AMPH: variants seen among roughly 807,000 people sequenced by gnomAD.
AMPH encodes amphiphysin.
Under a neutral mutation model 99.1 loss-of-function variants are expected in AMPH, and 49 were observed. That is an observed-to-expected ratio of 0.49 (90% CI 0.39 to 0.63). The LOEUF (loss-of-function observed/expected upper bound fraction) is 0.63, where lower values mean the gene tolerates loss of function less well. Ranked by LOEUF, AMPH falls within the 20% of genes least tolerant of loss-of-function variation. AMPH has a pLI of 0.00. For missense variants in AMPH, 759 were observed against 863.4 expected (o/e 0.88, Z 1.52); for synonymous variants, 314 against 317.3 (o/e 0.99, Z 0.11).
chr7:38,485,190 G>T (rs900156186), intron 5 of AMPH, among the ~76,000 whole-genome samples: 5 of 151,760 alleles, frequency 3.3e-5, no homozygotes, highest in African/African-American at 9.7e-5. Flanking sequence ...GTGGCTAAAT[G>T]AATTTAAATA....
chr7:38,450,092 G>A (rs541660194), intron 11 of AMPH, among the ~76,000 whole-genome samples: 20 of 152,322 alleles, frequency 1.3e-4, no homozygotes, highest in South Asian at 1.0e-3. Context: ...CAACACTCAG[G>A]ATTGAAAGGC....
chr7:38,629,103 G>A (rs1433614000), intron 1 of AMPH, among the ~76,000 whole-genome samples: 1 of 152,196 alleles, frequency 6.6e-6, no homozygotes, highest in African/African-American at 2.4e-5. Context: ...GAGGCCAAAG[G>A]TGTAGAAAGA....
chr7:38,602,403 C>T (rs918630327), intron 1 of AMPH, among the ~76,000 whole-genome samples: 2 of 152,224 alleles, frequency 1.3e-5, no homozygotes, highest in Admixed American at 6.5e-5. Flanking sequence ...AGGCTAACAT[C>T]GAGCTGTCGG....
At chr7:38,563,979 C>G (rs1345298902) in intron 1 of AMPH, among the ~76,000 whole-genome samples, 1 of 152,040 alleles carries the variant, frequency 6.6e-6, no homozygotes, top group African/African-American at 2.4e-5. Context: ...ATGAATAGAC[C>G]CCAACTGGTG....
intron 1 of AMPH, among the ~76,000 whole-genome samples, chr7:38,542,510 T>C (rs1265258215): frequency 6.6e-6 from 1 of 152,174 alleles, no homozygotes; most frequent in East Asian, 1.9e-4. Context: ...CTGGTAGTAA[T>C]CTATCCTGCA....
chr7:38,460,475 GTGGTATAGACACACAA>G (rs1038745063), intron 11 of AMPH, among the ~76,000 whole-genome samples: 5 of 152,216 alleles, frequency 3.3e-5, no homozygotes, highest in African/African-American at 7.2e-5. Flanking sequence ...TATAGAAAAT[GTGGTATAGACACACAA>G]TGGTATAGAC....
At chr7:38,489,682 T>C (rs191980242) in intron 5 of AMPH, among the ~76,000 whole-genome samples, 1 of 151,974 alleles carries the variant, frequency 6.6e-6, no homozygotes, top group African/African-American at 2.4e-5. Context: ...ATAGAAAAAA[T>C]AACTAATAAT....
chr7:38,480,072 A>G (rs1440622899), intron 5 of AMPH, among the ~76,000 whole-genome samples: 1 of 152,006 alleles, frequency 6.6e-6, no homozygotes, highest in African/African-American at 2.4e-5. Context: ...AAAAAAACAC[A>G]ATAATATAAA....
intron 2 of AMPH, among the ~76,000 whole-genome samples, chr7:38,505,639 G>A (rs1789296286): frequency 6.6e-6 from 1 of 152,116 alleles, no homozygotes; most frequent in Non-Finnish European, 1.5e-5. Context: ...ACAGCAAAGT[G>A]TAGTAGAAAA....
At chr7:38,627,019 C>G (rs559438598) in intron 1 of AMPH, among the ~76,000 whole-genome samples, 1 of 152,026 alleles carries the variant, frequency 6.6e-6, no homozygotes, top group Non-Finnish European at 1.5e-5. Context: ...ATTTTGCCAC[C>G]CAGTGTCCAC....
At chr7:38,549,926 C>T (rs1791121211) in intron 1 of AMPH, among the ~76,000 whole-genome samples, 1 of 152,166 alleles carries the variant, frequency 6.6e-6, no homozygotes, top group African/African-American at 2.4e-5. Flanking sequence ...TGTTTGCTTT[C>T]TAAAACTTTA....
chr7:38,384,293 T>C lies in AMPH; in HGVS notation c.*525A>G, dbSNP rs1239961259. 6.5e-6 allele frequency: 1 copy of C among 154,188 alleles called. No individual in the cohort carries two copies. Among genetic ancestry groups the C allele is most frequent in the African/African-American group, 2.4e-5 (1 of 41,462 alleles). The allele number at this position is 154,188 out of a possible 1,614,324, so 9.6% of individuals were successfully genotyped here. A position where few individuals can be genotyped will look rare whatever the true frequency, so the allele number is the denominator to read the frequency against. Reference sequence around the variant, plus strand: ...GATCCAGGAGTCATGGGAACTAGCTTGCGTGACTGTGTGTCCATATATATA... The same window carrying C: ...GATCCAGGAGTCATGGGAACTAGCTCGCGTGACTGTGTGTCCATATATATA... On this transcript the variant is annotated 3_prime_UTR_variant, in exon 21 of 21. Transcript: ENST00000356264.
chr7:38,435,727 C>T (rs571496441), intron 12 of AMPH, among the ~76,000 whole-genome samples: 4 of 152,182 alleles, frequency 2.6e-5, no homozygotes, highest in African/African-American at 4.8e-5. Context: ...GGAAGCAAGG[C>T]GACTCTCCAT....
chr7:38,449,095 T>C (rs969918325), intron 11 of AMPH, among the ~76,000 whole-genome samples: 1 of 152,130 alleles, frequency 6.6e-6, no homozygotes, highest in African/African-American at 2.4e-5. Flanking sequence ...ACTAAACTGG[T>C]TGAGTAAAGG....
At chr7:38,593,016 GT>G (rs1221951707) in intron 1 of AMPH, among the ~76,000 whole-genome samples, 11 of 152,200 alleles carry the variant, frequency 7.2e-5, no homozygotes, top group Non-Finnish European at 1.6e-4. Flanking sequence ...TAAATTGCAA[GT>G]GATCCAATTG....
rs763418401 is a variant in AMPH at position 38,417,882 on chromosome 7, G to A, written c.1341C>T (p.Ala447=). 12 of 1,614,052 alleles carry A rather than the reference G, an allele frequency of 7.4e-6. No homozygotes were observed. Among genetic ancestry groups the A allele is most frequent in the African/African-American group, 2.7e-5 (2 of 74,928 alleles). ...AEEPLAAVTP[A]VGLDLGMDTR... is the part of the protein sequence containing the mutation. Reference sequence around the variant, plus strand: ...TGTCCATTCCAAGGTCCAGACCAACGGCAGGTGTGACAGCAGCCAGAGGCT... The same window carrying A: ...TGTCCATTCCAAGGTCCAGACCAACAGCAGGTGTGACAGCAGCCAGAGGCT... The change falls in exon 17 of 21, where the codon GCC becomes GCT. Residue 447 remains alanine, a synonymous_variant. Coordinates refer to ENST00000356264, the MANE Select transcript of AMPH (RefSeq NM_001635.4).
intron 1 of AMPH, among the ~76,000 whole-genome samples, chr7:38,564,185 T>C (rs1243222220): frequency 6.6e-6 from 1 of 152,238 alleles, no homozygotes; most frequent in Non-Finnish European, 1.5e-5. Flanking sequence ...AGCAAGGGCA[T>C]AACTAGGGTT....
chr7:38,436,808 A>G (rs1786283590), intron 11 of AMPH, among the ~76,000 whole-genome samples: 1 of 152,226 alleles, frequency 6.6e-6, no homozygotes, highest in East Asian at 1.9e-4. Flanking sequence ...AATACTGCTG[A>G]TGTTCTTCTG....
chr7:38,607,322 T>A (rs1452568071), intron 1 of AMPH, among the ~76,000 whole-genome samples: 4 of 152,172 alleles, frequency 2.6e-5, no homozygotes, highest in African/African-American at 9.7e-5. Context: ...TCAAATCACC[T>A]CATTTTCTTA....
Sources: allele counts gnomAD v4.1 joint callset (sites outside exome capture counted in the v4.1 genomes callset), GRCh38; gene constraint gnomAD v4.1.1; transcripts MANE v1.5; gene names NCBI Gene and HGNC (gene_info 2026-07-23, HGNC 2026-07-21).